The following PRIM2 variants were observed in gnomAD, a reference collection of about 807,000 sequenced individuals.
PRIM2 encodes the protein DNA primase large subunit.
A neutral mutation model predicts 67.3 loss-of-function variants in PRIM2; 39 were observed. The ratio of observed to expected loss-of-function variants is 0.58; its 90% CI spans 0.45 to 0.76. PRIM2 has a LOEUF of 0.76. Ranked by LOEUF, PRIM2 falls within the 30% of genes least tolerant of loss-of-function variation. The probability of loss-of-function intolerance (pLI) is 0.00; values close to 1 mark genes in which losing one functional copy is unlikely to be tolerated. For missense variants in PRIM2, 398 were observed against 598.7 expected, an observed-to-expected ratio of 0.66 and a Z score of 3.50; for synonymous variants, 143 against 198.7, an observed-to-expected ratio of 0.72 and a Z score of 2.36.
At chr6:57,607,938 A>G (rs1345645454) in intron 12 of PRIM2, among the ~76,000 whole-genome samples, 4 of 151,962 alleles carry the variant, frequency 2.6e-5, no homozygotes, top group African/African-American at 9.7e-5. Flanking sequence ...GTGACATGCC[A>G]TGGTGCATAG....
At chr6:57,320,976 A>G (rs973583290) in intron 3 of PRIM2, among the ~76,000 whole-genome samples, 1 of 152,204 alleles carries the variant, frequency 6.6e-6, no homozygotes, top group Admixed American at 6.5e-5. Context: ...AGGTTTGGGA[A>G]GGCTTTCCAG....
chr6:57,556,914 CTTAAAT>C (rs1309783704), intron 10 of PRIM2, among the ~76,000 whole-genome samples: 8 of 147,892 alleles, frequency 5.4e-5, no homozygotes, highest in East Asian at 2.0e-4. Context: ...CTATAAGGAA[CTTAAAT>C]TTAAAAGAAA....
chr6:57,507,620 CCTTA>C (rs1375564076), intron 8 of PRIM2, among the ~76,000 whole-genome samples, 166 bp downstream of exon 8: 1 of 152,016 alleles, frequency 6.6e-6, no homozygotes, highest in East Asian at 1.9e-4. Context: ...TACTTGTTAC[CCTTA>C]CTTTATTTAG....
In PRIM2 at chr6:57,571,962, C is replaced by G. The variant is rs1355008251; in HGVS notation, c.1021-29131C>G. Among the ~76,000 whole-genome samples the G allele has an allele frequency of 6.6e-5, 10 of 152,320 alleles. 1 individual carries two copies. In the South Asian group the frequency reaches 1.0e-3, roughly 16 times the overall value. On this transcript the variant is annotated intron_variant, in intron 10 of 13. Transcript: ENST00000615550. ...ATCACTCCTAGTTCTGCCTCCATGTCAACCCCTGTATGTGTTAAATACTTA... is the reference window on the plus strand; with the variant it reads ...ATCACTCCTAGTTCTGCCTCCATGTGAACCCCTGTATGTGTTAAATACTTA...
At chr6:57,528,599 G>A (rs1189458366) in intron 8 of PRIM2, among the ~76,000 whole-genome samples, 72 of 152,192 alleles carry the variant, frequency 4.7e-4, no homozygotes, top group African/African-American at 1.7e-3. Flanking sequence ...AATTCTGTTT[G>A]TACATCATTT....
chr6:57,289,266 A>G, the PRIM2 span, among the ~76,000 whole-genome samples: 8 of 152,206 alleles, frequency 5.3e-5, no homozygotes, highest in African/African-American at 1.9e-4. Flanking sequence ...AAAAGAGTGA[A>G]GAGAAAAGAA....
At chr6:57,323,166 A>G (rs1317705205) in intron 3 of PRIM2, among the ~76,000 whole-genome samples, 2 of 151,876 alleles carry the variant, frequency 1.3e-5, no homozygotes, top group African/African-American at 2.4e-5. Flanking sequence ...TGCTCAAGAC[A>G]TGTTTGTTCT....
chr6:57,564,708 A>G (rs1317412710), intron 10 of PRIM2, among the ~76,000 whole-genome samples: 1 of 152,170 alleles, frequency 6.6e-6, no homozygotes, highest in Admixed American at 6.5e-5. Flanking sequence ...AGATAGGGAA[A>G]ATCATTGGTA....
intron 7 of PRIM2, among the ~76,000 whole-genome samples, chr6:57,470,210 A>G (rs1179946148): frequency 6.6e-6 from 1 of 151,854 alleles, no homozygotes; most frequent in Non-Finnish European, 1.5e-5. Flanking sequence ...CTTCAATCAC[A>G]TCTTACAAAT....
intron 6 of PRIM2, among the ~76,000 whole-genome samples, chr6:57,381,565 T>C (rs1424437789): frequency 6.6e-6 from 1 of 151,362 alleles, no homozygotes; most frequent in African/African-American, 2.5e-5. Flanking sequence ...TTTCAGTATA[T>C]TTCTCTGGAG....
chr6:57,264,594 C>CT, the PRIM2 span, among the ~76,000 whole-genome samples: 2,314 of 106,978 alleles, frequency 0.022, 97 homozygotes, highest in African/African-American at 0.044. Context: ...AAGTCAAACG[C>CT]TTTTTTTTTT....
chr6:57,336,895 A>G (rs1465193917), intron 5 of PRIM2, among the ~76,000 whole-genome samples: 5 of 152,164 alleles, frequency 3.3e-5, no homozygotes, highest in Non-Finnish European at 5.9e-5. Context: ...AAATGCTCCA[A>G]TTAAAAGACA....
chr6:57,271,384 C>A, the PRIM2 span, among the ~76,000 whole-genome samples: 3 of 152,172 alleles, frequency 2.0e-5, no homozygotes, highest in Non-Finnish European at 4.4e-5. Flanking sequence ...GGAATGTATC[C>A]ATTTCTTCTA....
chr6:57,276,901 A>T, the PRIM2 span, among the ~76,000 whole-genome samples: 2 of 152,008 alleles, frequency 1.3e-5, no homozygotes, highest in Non-Finnish European at 2.9e-5. Flanking sequence ...AAAAAAAAAG[A>T]TATAATGATA....
At chr6:57,304,829 C>T in the PRIM2 span, among the ~76,000 whole-genome samples, 4 of 152,012 alleles carry the variant, frequency 2.6e-5, no homozygotes, top group African/African-American at 9.7e-5. Context: ...GGGCACTGAC[C>T]CTAAAATAAT....
At chr6:57,443,931 T>G (rs1319716047) in intron 7 of PRIM2, among the ~76,000 whole-genome samples, 1 of 152,148 alleles carries the variant, frequency 6.6e-6, no homozygotes, top group Non-Finnish European at 1.5e-5. Flanking sequence ...CATTTTGAGT[T>G]GATTTTTATA....
rs1271702555 is a variant in PRIM2 at position 57,427,321 on chromosome 6, A to G, written c.693+45153A>G. Reference sequence around the variant, plus strand: ...TTTGGAATTGTATTTTAACTGGGTTATTCAATTCTTTTTTCTTTGAGACTT... The same window carrying G: ...TTTGGAATTGTATTTTAACTGGGTTGTTCAATTCTTTTTTCTTTGAGACTT... On this transcript the variant is annotated intron_variant, in intron 7 of 13. Transcript: ENST00000615550. Among the ~76,000 whole-genome samples, 7 of 152,304 alleles carry G rather than the reference A, an allele frequency of 4.6e-5. No homozygotes were observed. The South Asian group carries it at 6.2e-4, about 14-fold the overall frequency.
At chr6:57,634,898 A>G (rs1340251836) in intron 13 of PRIM2, among the ~76,000 whole-genome samples, 1 of 152,212 alleles carries the variant, frequency 6.6e-6, no homozygotes, top group Admixed American at 6.5e-5. Context: ...AATCAACAAA[A>G]TAAAAAGGCT....
intron 7 of PRIM2, among the ~76,000 whole-genome samples, chr6:57,384,834 G>A (rs1770086212): frequency 6.6e-6 from 1 of 152,158 alleles, no homozygotes; most frequent in Non-Finnish European, 1.5e-5. Flanking sequence ...AAGCCAAGCT[G>A]CCCAGTGCCC....
Sources: allele counts gnomAD v4.1 joint callset (sites outside exome capture counted in the v4.1 genomes callset), GRCh38; gene constraint gnomAD v4.1.1; transcripts MANE v1.5; gene names NCBI Gene and HGNC (gene_info 2026-07-23, HGNC 2026-07-21).